Variants in KDM2B observed in about 807,000 individuals in gnomAD.
The protein encoded by KDM2B is lysine-specific demethylase 2B.
In KDM2B, 26 loss-of-function variants were observed where a neutral mutation model predicts 150.0. The ratio of observed to expected loss-of-function variants is 0.17; its 90% CI spans 0.13 to 0.24. The LOEUF (loss-of-function observed/expected upper bound fraction) is 0.24. Ranked by LOEUF, KDM2B falls within the 10% of genes least tolerant of loss-of-function variation. The pLI is 1.00. For synonymous variants in KDM2B, 734 were observed against 729.5 expected, an observed-to-expected ratio of 1.01 and a Z score of -0.10; for missense variants, 1,265 against 1,816.9, an observed-to-expected ratio of 0.70 and a Z score of 5.52.
Position 121,467,267 on chromosome 12 carries a change from C to G in KDM2B, c.1735-13923G>C, listed in dbSNP as rs1246278473. On this transcript the variant is annotated intron_variant, in intron 12 of 22. Transcript: ENST00000377071. This position sits in a 1 kb window ranked among gnomAD's most constrained non-coding sequence, Gnocchi z 5.1. The stretch of plus-strand genomic sequence containing the variant: ...TGACATGGCTGGAGCGGCGCCGCCG[C>G]CGCCGCCCGCCCGGAGCAGGCTCGG... 2 of 987,670 alleles carry G rather than the reference C, an allele frequency of 2.0e-6. No individual in the cohort carries two copies. The highest frequency in any genetic ancestry group is 1.1e-4 in the East Asian group (1 of 8,772). The allele number at this position is 987,670 out of a possible 1,614,324, so 61.2% of individuals were successfully genotyped here. A position where few individuals can be genotyped will look rare whatever the true frequency, so the allele number is the denominator to read the frequency against.
At chr12:121,438,642 A>G (rs2137833354) in intron 22 of KDM2B, among the ~76,000 whole-genome samples, 1 of 152,220 alleles carries the variant, frequency 6.6e-6, no homozygotes, top group African/African-American at 2.4e-5. Context: ...ATGGCTTCCT[A>G]GGTCCCGAAT....
intron 1 of KDM2B, chr12:121,580,085 C>T: frequency 1.9e-6 from 3 of 1,543,632 alleles, no homozygotes; most frequent in Non-Finnish European, 2.6e-6. Flanking sequence ...TAATTGTCAA[C>T]ACTCCTGCCC....
At chr12:121,444,571 G>A (rs1555289680) in intron 14 of KDM2B, 35 bp from the exon 15 acceptor site, 2 of 1,591,722 alleles carry the variant, frequency 1.3e-6, no homozygotes, top group Non-Finnish European at 1.7e-6. Context: ...AGAGGGACGG[G>A]CGGAGAAGAT....
At chr12:121,580,196 A>G in intron 1 of KDM2B, 4 of 1,491,028 alleles carry the variant, frequency 2.7e-6, no homozygotes, top group Non-Finnish European at 3.5e-6. Flanking sequence ...AAAGTTTTGC[A>G]CCAACACTTA....
intron 8 of KDM2B, among the ~76,000 whole-genome samples, chr12:121,531,289 C>T (rs1007907173): frequency 3.3e-5 from 5 of 152,166 alleles, no homozygotes; most frequent in African/African-American, 1.2e-4. Flanking sequence ...TTCCAAATGC[C>T]AAATCTCCCT....
intron 4 of KDM2B, among the ~76,000 whole-genome samples, chr12:121,568,939 TA>T (rs1466203111): frequency 2.0e-5 from 3 of 150,780 alleles, no homozygotes; most frequent in Non-Finnish European, 4.4e-5. Flanking sequence ...TTTAGGACAT[TA>T]GAGAAGAGTC....
At chr12:121,554,763 T>C (rs1433306503) in intron 4 of KDM2B, among the ~76,000 whole-genome samples, 1 of 152,184 alleles carries the variant, frequency 6.6e-6, no homozygotes, top group Non-Finnish European at 1.5e-5. Flanking sequence ...CCCAGGTATA[T>C]ATACCTCTCT....
rs1885683980 is a variant in KDM2B at position 121,512,587 on chromosome 12, C to T, written c.1174+689G>A. Among the ~76,000 whole-genome samples the T allele has an allele frequency of 5.3e-5, 8 of 152,168 alleles. No homozygotes were observed. In the South Asian group the frequency reaches 1.7e-3, roughly 32 times the overall value. On this transcript the variant is annotated intron_variant, in intron 10 of 22. Coordinates refer to ENST00000377071, the MANE Select transcript of KDM2B (RefSeq NM_032590.5). ...ACATCATCCAGGAAAACCCCTGCACCACAACAGCTCAGACGCAGCCGAGAG... is the reference window on the plus strand; with the variant it reads ...ACATCATCCAGGAAAACCCCTGCACTACAACAGCTCAGACGCAGCCGAGAG...
At chr12:121,574,934 T>C (rs1315367205) in intron 3 of KDM2B, among the ~76,000 whole-genome samples, 1 of 152,202 alleles carries the variant, frequency 6.6e-6, no homozygotes, top group Non-Finnish European at 1.5e-5. Flanking sequence ...TGCTTTCTTT[T>C]AGGGTGGGTA....
chr12:121,429,878 G>T lies in KDM2B; in HGVS notation c.*410C>A. ...AACAAAAAAAAGTGTCAAGACGGCA[G>T]CAGATGTGGTGTGTGGTCCACTTTA... On this transcript the variant is annotated 3_prime_UTR_variant, in exon 23 of 23. Transcript: ENST00000377071. The T allele has an allele frequency of 1.7e-6, 1 of 577,906 alleles. No homozygotes were observed. The highest frequency in any genetic ancestry group is 2.4e-5 in the South Asian group (1 of 42,088). 35.8% of individuals were successfully genotyped at this position (577,906 alleles called of 1,614,324 possible).
intron 12 of KDM2B, among the ~76,000 whole-genome samples, chr12:121,456,518 C>T (rs1555292787): frequency 6.6e-6 from 1 of 152,150 alleles, no homozygotes; most frequent in Non-Finnish European, 1.5e-5. Context: ...TGTGGGCCAC[C>T]TCCCAGGACA....
chr12:121,503,702 G>C (rs1884803501), intron 11 of KDM2B, among the ~76,000 whole-genome samples: 1 of 152,208 alleles, frequency 6.6e-6, no homozygotes, highest in Non-Finnish European at 1.5e-5. Context: ...GGAAGTGTGG[G>C]TAGCTGGCCA....
At chr12:121,535,457 T>C (rs1489284184) in intron 6 of KDM2B, among the ~76,000 whole-genome samples, 2 of 152,178 alleles carry the variant, frequency 1.3e-5, no homozygotes, top group African/African-American at 4.8e-5. Context: ...GGTTTCATTC[T>C]GGGGTGATGA....
intron 12 of KDM2B, among the ~76,000 whole-genome samples, chr12:121,472,054 C>T (rs1241519772): frequency 4.6e-5 from 7 of 152,186 alleles, no homozygotes; most frequent in African/African-American, 1.7e-4. Flanking sequence ...GCCTGGGAGG[C>T]AGAGGTTTCA....
chr12:121,511,298 T>A (rs1885566943), intron 10 of KDM2B, among the ~76,000 whole-genome samples: 1 of 149,304 alleles, frequency 6.7e-6, no homozygotes, highest in Non-Finnish European at 1.5e-5. Flanking sequence ...TTTTTTTTTT[T>A]TTTTTTGAGA....
intron 6 of KDM2B, among the ~76,000 whole-genome samples, chr12:121,546,508 G>A (rs576152028): frequency 4.8e-5 from 7 of 144,458 alleles, no homozygotes; most frequent in East Asian, 2.1e-4. Context: ...TCAGCCTCCC[G>A]AGTAGCTGGG....
rs1555295211 is a variant in KDM2B, at chr12:121,467,833, G to T, written c.1735-14489C>A. The T allele has an allele frequency of 6.6e-6, 1 of 152,248 alleles. No homozygotes were observed. Among genetic ancestry groups the T allele is most frequent in the Non-Finnish European group, 1.5e-5 (1 of 68,070 alleles). The allele number at this position is 152,248 out of a possible 1,614,324, so 9.4% of individuals were successfully genotyped here. ...CTTGCAGCAGGCACACGGGCTGCCG[G>T]GTTTGCACTCGCTGCAGGACCAGGA... On this transcript the variant is annotated intron_variant, in intron 12 of 22. Transcript: ENST00000377071. This position sits in a 1 kb window ranked among gnomAD's most constrained non-coding sequence, Gnocchi z 5.1.
chr12:121,548,930 C>T lies in KDM2B; in HGVS notation c.630G>A (p.Lys210=). 1 of 1,614,198 alleles carries T rather than the reference C, an allele frequency of 6.2e-7. No homozygotes were observed. The highest frequency in any genetic ancestry group is 8.5e-7 in the Non-Finnish European group (1 of 1,180,014). ...DNMWPQHLKE[K]QTEATNAIAE... Reference sequence around the variant, plus strand: ...CAATGGCGTTCGTGGCTTCTGTCTGCTTCTCCTTCAGATGCTGGGGCCACA... The same window carrying T: ...CAATGGCGTTCGTGGCTTCTGTCTGTTTCTCCTTCAGATGCTGGGGCCACA... Residue 210 remains lysine (K), a synonymous_variant, in exon 6 of 23, where the codon AAG becomes AAA. Coordinates refer to ENST00000377071, the MANE Select transcript of KDM2B (RefSeq NM_032590.5).
downstream of KDM2B, among the ~76,000 whole-genome samples, chr12:121,426,555 C>G (rs1555284262): frequency 6.6e-6 from 1 of 151,382 alleles, no homozygotes; most frequent in Non-Finnish European, 1.5e-5. Flanking sequence ...AAGCAGCCCT[C>G]CCGCCTCAGC....
Sources: allele counts gnomAD v4.1 joint callset (sites outside exome capture counted in the v4.1 genomes callset), GRCh38; gene constraint gnomAD v4.1.1; non-coding constraint Gnocchi (gnomAD v3.1); transcripts MANE v1.5; gene names NCBI Gene and HGNC (gene_info 2026-07-23, HGNC 2026-07-21).